MIA2: variants seen among roughly 807,000 people sequenced by gnomAD.
MIA2 encodes melanoma inhibitory activity protein 2.
A neutral mutation model predicts 167.8 loss-of-function variants in MIA2; 127 were observed. That is an observed-to-expected ratio of 0.76 (90% CI 0.66 to 0.88). The LOEUF is 0.88. MIA2 is among the 40% of genes least tolerant of loss of function. The probability of loss-of-function intolerance (pLI) is 0.00; values close to 1 mark genes in which losing one functional copy is unlikely to be tolerated. For missense variants in MIA2, 1,690 were observed against 1,624.7 expected (o/e 1.04, Z -0.69); for synonymous variants, 552 against 541.9 (o/e 1.02, Z -0.26).
At chr14:39,349,052 T>TC in intron 28 of MIA2, 75 bp downstream of exon 28, 1 of 1,514,584 alleles carries the variant, frequency 6.6e-7, no homozygotes, top group South Asian at 1.1e-5. Context: ...TACTATCTGT[T>TC]AATGTAGTAA....
At chr14:39,269,297 A>G (rs73277418) in intron 6 of MIA2, among the ~76,000 whole-genome samples, 1 of 151,758 alleles carries the variant, frequency 6.6e-6, no homozygotes, top group African/African-American at 2.4e-5. Flanking sequence ...GTTCCTCAAC[A>G]TTTTTATTAC....
Position 39,308,471 on chromosome 14 carries a change from T to C in MIA2, c.2901T>C (p.Thr967=). ...TAGAGCATATTAAAAATCTTCAGAC[T>C]GAACAAGCATCTTTGCAGTCAGAAA... ...ELTEHIKNLQ[T]EQASLQSENT... Residue 967 remains threonine (T), a synonymous_variant, in exon 18 of 29, where the codon ACT becomes ACC. Coordinates refer to ENST00000640607, the MANE Select transcript of MIA2 (RefSeq NM_001329214.4). The C allele has an allele frequency of 6.5e-7, 1 of 1,539,568 alleles. No individual in the cohort carries two copies. The highest frequency in any genetic ancestry group is 8.8e-7 in the Non-Finnish European group (1 of 1,139,750).
At chr14:39,267,385 G>C (rs1566630054) in intron 6 of MIA2, 4 of 1,604,056 alleles carry the variant, frequency 2.5e-6, no homozygotes, top group Non-Finnish European at 3.4e-6. Context: ...ACCGAAGGCT[G>C]TGTGTTCTCC....
chr14:39,265,721 T>C (rs2055514133), intron 6 of MIA2: 1 of 288,312 alleles, frequency 3.5e-6, no homozygotes, highest in Admixed American at 5.3e-5. Flanking sequence ...CATTTAAGAA[T>C]TTTTATTGAG....
Position 39,319,541 on chromosome 14 carries a change from A to C in MIA2, c.3367+250A>C, listed in dbSNP as rs112859122. 3.9e-5 allele frequency among the ~76,000 whole-genome samples: 6 copies of C among 152,086 alleles called. 1 individual carries two copies. The highest frequency in any genetic ancestry group is 1.2e-4 in the African/African-American group (5 of 41,536). On this transcript the variant is annotated intron_variant, in intron 23 of 28. Coordinates refer to ENST00000640607, the MANE Select transcript of MIA2 (RefSeq NM_001329214.4). ...TTTTGTAAGATGATACATATTTAGT[A>C]CTTTGAGCTCCTTGAAAAGCTAGGT... is the stretch of plus-strand genomic sequence containing the variant.
chr14:39,280,739 AC>A (rs1318343031), intron 9 of MIA2, among the ~76,000 whole-genome samples: 1 of 151,660 alleles, frequency 6.6e-6, no homozygotes, highest in Admixed American at 6.6e-5. Flanking sequence ...CTCAAAACAA[AC>A]AAACAAACAA....
chr14:39,294,995 A>T lies in MIA2; in HGVS notation c.2462A>T (p.Asn821Ile). The change falls in exon 13 of 29, where the codon AAT becomes ATT. Residue 821 changes from asparagine to isoleucine, a missense_variant. By Grantham distance (149) the Asn-to-Ile change is moderately radical. Coordinates refer to ENST00000640607, the MANE Select transcript of MIA2 (RefSeq NM_001329214.4). Reference protein sequence around the residue: ...RLKIAIKDALNENSQLQESQK... With the variant: ...RLKIAIKDALIENSQLQESQK... ...AAGATAGCAATAAAAGATGCTTTGA[A>T]TGAAAATTCTCAACTTCAGGAAAGC... 1 of 1,613,780 alleles carries T rather than the reference A, an allele frequency of 6.2e-7. No individual in the cohort carries two copies. The highest frequency in any genetic ancestry group is 1.1e-5 in the South Asian group (1 of 91,072).
chr14:39,332,417 ACT>A (rs2069120307), intron 25 of MIA2, among the ~76,000 whole-genome samples: 1 of 152,036 alleles, frequency 6.6e-6, no homozygotes, highest in Non-Finnish European at 1.5e-5. Context: ...GGAGTTTATT[ACT>A]CACCTTCTGA....
intron 23 of MIA2, among the ~76,000 whole-genome samples, chr14:39,380,894 A>C (rs2075144911): frequency 6.6e-6 from 1 of 152,056 alleles, no homozygotes; most frequent in African/African-American, 2.4e-5. Flanking sequence ...TATTCCGAAG[A>C]GACTAGGCCA....
intron 25 of MIA2, among the ~76,000 whole-genome samples, chr14:39,338,575 TA>T (rs1249145628): frequency 6.6e-6 from 1 of 152,222 alleles, no homozygotes; most frequent in Non-Finnish European, 1.5e-5. Context: ...AGTGAGTTGA[TA>T]ATATTCACAT....
At chr14:39,337,212 C>A (rs927302956) in intron 25 of MIA2, among the ~76,000 whole-genome samples, 20 of 152,066 alleles carry the variant, frequency 1.3e-4, no homozygotes, top group South Asian at 4.1e-4. Context: ...AAACATTAAT[C>A]GAAAGAAAAT....
chr14:39,365,476 T>C (rs557877123), intron 23 of MIA2, among the ~76,000 whole-genome samples: 24 of 152,348 alleles, frequency 1.6e-4, no homozygotes, highest in Non-Finnish European at 2.6e-4. Context: ...TTCATTCTTA[T>C]TATTTTTTCT....
chr14:39,340,992 G>A (rs566621872), intron 25 of MIA2, among the ~76,000 whole-genome samples: 67 of 152,154 alleles, frequency 4.4e-4, no homozygotes, highest in African/African-American at 1.6e-3. Context: ...AGGGAGAGGT[G>A]TTTTGGTTTT....
chr14:39,275,607 A>T (rs116490260), intron 6 of MIA2, among the ~76,000 whole-genome samples: 12 of 152,172 alleles, frequency 7.9e-5, no homozygotes, highest in African/African-American at 2.9e-4. Context: ...TGATTACACA[A>T]TTTTTGAGTT....
At chr14:39,288,577 C>T (rs757258539) in intron 9 of MIA2, among the ~76,000 whole-genome samples, 13 of 148,798 alleles carry the variant, frequency 8.7e-5, no homozygotes, top group South Asian at 2.2e-4. Context: ...CGGGTTCAAG[C>T]GATTCTCCTG....
chr14:39,260,574 T>C (rs1206529513), intron 6 of MIA2, among the ~76,000 whole-genome samples: 1 of 152,236 alleles, frequency 6.6e-6, no homozygotes, highest in Non-Finnish European at 1.5e-5. Context: ...TTCTTGTAAA[T>C]TTTATTAAGT....
At chr14:39,280,709 G>A (rs1440917296) in intron 9 of MIA2, among the ~76,000 whole-genome samples, 1 of 151,974 alleles carries the variant, frequency 6.6e-6, no homozygotes. Context: ...TCCAGCCTGG[G>A]CAACAGAGTG....
chr14:39,331,319 T>C (rs2068823090), intron 25 of MIA2, among the ~76,000 whole-genome samples: 1 of 152,200 alleles, frequency 6.6e-6, no homozygotes, highest in Admixed American at 6.5e-5. Context: ...TAAATCTTCC[T>C]CCATCCCTTT....
At chr14:39,312,123 C>T (rs920182386) in intron 18 of MIA2, among the ~76,000 whole-genome samples, 6 of 152,150 alleles carry the variant, frequency 3.9e-5, no homozygotes, top group African/African-American at 9.7e-5. Context: ...CCACTGCACC[C>T]GACCAAGATA....
Sources: allele counts gnomAD v4.1 joint callset (sites outside exome capture counted in the v4.1 genomes callset), GRCh38; gene constraint gnomAD v4.1.1; transcripts MANE v1.5; gene names NCBI Gene and HGNC (gene_info 2026-07-23, HGNC 2026-07-21).